The following CEP131 variants were observed in gnomAD, a reference collection of about 807,000 sequenced individuals.
The protein encoded by CEP131 is centrosomal protein 131.
In CEP131, 99 loss-of-function variants were observed where a neutral mutation model predicts 136.8. The observed-to-expected ratio is 0.72, with a 90% CI of 0.62 to 0.86. The LOEUF (loss-of-function observed/expected upper bound fraction) is 0.86, where lower values mean the gene tolerates loss of function less well. Ranked by LOEUF, CEP131 falls within the 40% of genes least tolerant of loss-of-function variation. CEP131 has a pLI of 0.00. For missense variants in CEP131, 1,459 were observed against 1,463.0 expected, an observed-to-expected ratio of 1.00 and a Z score of 0.04; for synonymous variants, 646 against 612.7, an observed-to-expected ratio of 1.05 and a Z score of -0.80.
At chr17:81,191,406 G>T in intron 21 of CEP131, 71 bp from the exon 22 acceptor site, 2 of 1,460,322 alleles carry the variant, frequency 1.4e-6, no homozygotes, top group Non-Finnish European at 1.9e-6. Context: ...AGCCTCAGGG[G>T]GTCCTGGGGG....
chr17:81,190,557 C>T, intron 24 of CEP131, 82 bp downstream of exon 24: 1 of 1,426,280 alleles, frequency 7.0e-7, no homozygotes, highest in Non-Finnish European at 9.2e-7. Flanking sequence ...CAGCCACAGC[C>T]TCCTGGGGCT....
intron 15 of CEP131, 93 bp from the exon 16 acceptor site, chr17:81,196,044 TAACA>T: frequency 9.5e-7 from 1 of 1,055,688 alleles, no homozygotes; most frequent in Non-Finnish European, 1.4e-6. Context: ...CGAGGGAGGC[TAACA>T]GCAGCCCTCC....
intron 15 of CEP131, among the ~76,000 whole-genome samples, 181 bp downstream of exon 15, chr17:81,196,520 T>C (rs1463148734): frequency 6.6e-6 from 1 of 151,954 alleles, no homozygotes; most frequent in East Asian, 1.9e-4. Context: ...AAGACAGGAG[T>C]GCCCTCTCCA....
intron 12 of CEP131, 25 bp downstream of exon 12, chr17:81,198,090 C>A (rs1196255004): frequency 2.0e-6 from 3 of 1,535,744 alleles, no homozygotes; most frequent in Non-Finnish European, 2.6e-6. Context: ...ACAGACTGTG[C>A]AGGGCGGGCG....
Position 81,190,671 on chromosome 17 carries a change from G to T in CEP131, c.3075C>A (p.Arg1025=). Residue 1025 remains arginine, a synonymous_variant, in exon 24 of 26, where the codon CGC becomes CGA. Coordinates refer to ENST00000450824, the MANE Select transcript of CEP131 (RefSeq NM_014984.4). ...GCACCTCCTCCAGCTCCAGCTGCTG[G>T]CGGGCCTGCAGCGTGGCCAGCTCGG... ...AKAELATLQA[R]QQLELEEVHR... The T allele has an allele frequency of 1.3e-6, 2 of 1,599,402 alleles. No individual in the cohort carries two copies. Among genetic ancestry groups the T allele is most frequent in the Non-Finnish European group, 1.7e-6 (2 of 1,175,630 alleles).
At chr17:81,200,492 G>T in intron 7 of CEP131, 46 bp from the exon 8 acceptor site, 1 of 1,411,620 alleles carries the variant, frequency 7.1e-7, no homozygotes, top group South Asian at 1.3e-5. Flanking sequence ...CCAGCGCCCC[G>T]GCAGGACCCA....
Position 81,193,891 on chromosome 17 carries a change from G to A in CEP131, c.2321+35C>T, listed in dbSNP as rs1489711170. On this transcript the variant is annotated intron_variant, in intron 18 of 25. Transcript: ENST00000450824. ...GAGGATTCCGACTCCCCGCCCTGAGGGTCCTGGCCCCACCGGCCTGGGGCC... is the reference window on the plus strand; with the variant it reads ...GAGGATTCCGACTCCCCGCCCTGAGAGTCCTGGCCCCACCGGCCTGGGGCC... 2.0e-6 allele frequency: 3 copies of A among 1,526,076 alleles called. No individual in the cohort carries two copies. In the East Asian group the frequency reaches 7.5e-5, roughly 38 times the overall value. The allele number at this position is 1,526,076 out of a possible 1,614,324, so 94.5% of individuals were successfully genotyped here.
chr17:81,199,028 T>C, intron 10 of CEP131, 57 bp from the exon 11 acceptor site: 1 of 1,424,118 alleles, frequency 7.0e-7, no homozygotes, highest in Non-Finnish European at 9.2e-7. Flanking sequence ...GGGCAGCAAC[T>C]CTGGAGGCAC....
rs779726124 is a variant in CEP131 at position 81,194,822 on chromosome 17, G to A, written c.2119+48C>T. On this transcript the variant is annotated intron_variant, in intron 17 of 25. Coordinates refer to ENST00000450824, the MANE Select transcript of CEP131 (RefSeq NM_014984.4). ...GGCTCTCTCAAAAGAAGCCCTGGCC[G>A]CAGCACCCACCCCACACCTGGCCGG... The A allele has an allele frequency of 1.5e-5, 23 of 1,485,342 alleles. No homozygotes were observed. In the Admixed American group the frequency reaches 1.8e-4, roughly 12 times the overall value. The allele number at this position is 1,485,342 out of a possible 1,614,324, so 92.0% of individuals were successfully genotyped here.
rs200252348 is a variant in CEP131, at chr17:81,199,348, C to T, written c.1192+33G>A. 312 of 1,568,382 alleles carry T rather than the reference C, an allele frequency of 2.0e-4. 1 individual carries two copies. In the East Asian group the frequency reaches 6.2e-3, roughly 31 times the overall value. On this transcript the variant is annotated intron_variant, in intron 10 of 25. Coordinates refer to ENST00000450824, the MANE Select transcript of CEP131 (RefSeq NM_014984.4). Reference sequence around the variant, plus strand: ...CTTCCTTCCTGGCTGCAGTCCACCCCCCAGAGCAGGGCGGGCGTGGAGCCA... The same window carrying T: ...CTTCCTTCCTGGCTGCAGTCCACCCTCCAGAGCAGGGCGGGCGTGGAGCCA...
chr17:81,203,473 G>A lies in CEP131; in HGVS notation c.629+21C>T, dbSNP rs537031641. 75 of 1,567,068 alleles carry A rather than the reference G, an allele frequency of 4.8e-5. No individual in the cohort carries two copies. In the South Asian group the frequency reaches 6.7e-4, roughly 14 times the overall value. On this transcript the variant is annotated intron_variant, in intron 6 of 25. Transcript: ENST00000450824. This position sits in a 1 kb window ranked among gnomAD's most constrained non-coding sequence, Gnocchi z 4.6. ...CTGAGGTCGGACCCCGCAGCCCCGC[G>A]GCCTCCCCAGAAGACCTTACTTGAG...
chr17:81,221,505 T>TGA (rs1345393264), intron 1 of CEP131, among the ~76,000 whole-genome samples: 1 of 152,228 alleles, frequency 6.6e-6, no homozygotes, highest in Non-Finnish European at 1.5e-5. Flanking sequence ...GTACTCTCTG[T>TGA]GACCTCGCCA....
chr17:81,207,294 C>T (rs1033664143), intron 3 of CEP131, 55 bp from the exon 4 acceptor site: 20 of 1,525,756 alleles, frequency 1.3e-5, no homozygotes, highest in Admixed American at 1.2e-4. Context: ...GGGAAGCCGA[C>T]GCTAGGCACA....
At chr17:81,202,644 T>C (rs1178122084) in intron 6 of CEP131, among the ~76,000 whole-genome samples, 1 of 152,162 alleles carries the variant, frequency 6.6e-6, no homozygotes, top group Non-Finnish European at 1.5e-5. Flanking sequence ...ATGAGCTCTT[T>C]GCATTTAAAA....
At chr17:81,216,316 A>AC (rs1453392314) in intron 2 of CEP131, among the ~76,000 whole-genome samples, 1 of 152,106 alleles carries the variant, frequency 6.6e-6, no homozygotes, top group African/African-American at 2.4e-5. Flanking sequence ...CCGAGATCTC[A>AC]CAAATGCACT....
intron 6 of CEP131, among the ~76,000 whole-genome samples, chr17:81,202,976 A>C (rs2061926961): frequency 7.6e-6 from 1 of 131,080 alleles, no homozygotes; most frequent in Non-Finnish European, 1.7e-5. Context: ...AAAAAAAAAA[A>C]AATTCCATTG....
At chr17:81,212,640 C>T (rs1270535645) in intron 2 of CEP131, among the ~76,000 whole-genome samples, 1 of 152,146 alleles carries the variant, frequency 6.6e-6, no homozygotes, top group Non-Finnish European at 1.5e-5. Context: ...TGGTGTTCTT[C>T]CCATGGGGTT....
Position 81,195,379 on chromosome 17 carries a change from C to T in CEP131, c.2017-407G>A, listed in dbSNP as rs544110745. 2.0e-4 allele frequency among the ~76,000 whole-genome samples: 30 copies of T among 152,328 alleles called. No individual in the cohort carries two copies. The South Asian group carries it at 5.6e-3, about 28-fold the overall frequency. ...CAAGCCCCACTCCAGAACCTGGGCT[C>T]GGGACCATCACTGCCCAAGCTGGTG... On this transcript the variant is annotated intron_variant, in intron 16 of 25. Transcript: ENST00000450824.
At chr17:81,212,790 A>G (rs2062163840) in intron 2 of CEP131, among the ~76,000 whole-genome samples, 1 of 152,196 alleles carries the variant, frequency 6.6e-6, no homozygotes, top group South Asian at 2.1e-4. Context: ...GAGAGGTGCC[A>G]CTAGCGGCAG....
Sources: gnomAD v4.1 joint callset for allele counts (sites outside exome capture counted in the v4.1 genomes callset) on GRCh38, gnomAD v4.1.1 for gene constraint, Gnocchi (gnomAD v3.1) non-coding constraint, MANE v1.5 for transcripts, NCBI Gene and HGNC (gene_info 2026-07-23, HGNC 2026-07-21) for gene names.